MED17: variants seen among roughly 807,000 people sequenced by gnomAD.
The protein encoded by MED17 is mediator complex subunit 17.
A neutral mutation model predicts 80.8 loss-of-function variants in MED17; 49 were observed. The ratio of observed to expected loss-of-function variants is 0.61; its 90% CI spans 0.48 to 0.77. The LOEUF is 0.77. Among genes scored for constraint, MED17 ranks in the 30% least tolerant of loss-of-function variants. The pLI, the probability that MED17 is intolerant of heterozygous loss-of-function variation, is 0.00. For missense variants in MED17, 718 were observed against 787.0 expected (o/e 0.91, Z 1.05); for synonymous variants, 281 against 280.4 (o/e 1.00, Z -0.02).
intron 3 of MED17, among the ~76,000 whole-genome samples, chr11:93,792,730 C>T (rs578207767): frequency 6.6e-4 from 101 of 152,038 alleles, no homozygotes; most frequent in African/African-American, 2.2e-3. Flanking sequence ...TTGCTTGAGC[C>T]CAGGAGTTCA....
At chr11:93,805,975 C>CTTTGTCTCT (rs1407237546) in intron 9 of MED17, 6 of 65,542 alleles carry the variant, frequency 9.2e-5, no homozygotes, top group African/African-American at 3.2e-4. Context: ...GACCCTGTCT[C>CTTTGTCTCT]TTTTTTTTTT....
chr11:93,793,885 C>T (rs1447876672), intron 4 of MED17, 21 bp downstream of exon 4: 1 of 1,613,330 alleles, frequency 6.2e-7, no homozygotes, highest in African/African-American at 1.3e-5. Flanking sequence ...AAATATTTTT[C>T]AAGTAATTTC....
In MED17 at chr11:93,794,871, G is replaced by A. The variant is rs374004657; in HGVS notation, c.860-37G>A. On this transcript the variant is annotated intron_variant, in intron 5 of 11. Transcript: ENST00000251871. ...ATTTAAACTAGTTAATGCATAATAT[G>A]GTTAGATAATTGATACATATATTTC... The A allele has an allele frequency of 1.6e-5, 26 of 1,603,242 alleles. No homozygotes were observed. In the African/African-American group the frequency reaches 3.2e-4, roughly 20 times the overall value.
chr11:93,812,241 T>G lies in MED17; in HGVS notation c.*177T>G. 1.5e-6 allele frequency: 1 copy of G among 645,254 alleles called. No homozygotes were observed. Among genetic ancestry groups the G allele is most frequent in the Non-Finnish European group, 2.7e-6 (1 of 369,002 alleles). 40.0% of individuals were successfully genotyped at this position (645,254 alleles called of 1,614,324 possible). On this transcript the variant is annotated 3_prime_UTR_variant, in exon 12 of 12. Transcript: ENST00000251871. The stretch of plus-strand genomic sequence containing the variant: ...TTCACTTTATAAATGACAAGTGCTT[T>G]GAAATGCAGAAGTTTATGTACAGTT...
chr11:93,812,210 A>G lies in MED17; in HGVS notation c.*146A>G. ...TAGGAAATGTTTATTTAGCACTTTCAAACTTTTCACTTTATAAATGACAAG... is the reference window on the plus strand; with the variant it reads ...TAGGAAATGTTTATTTAGCACTTTCGAACTTTTCACTTTATAAATGACAAG... On this transcript the variant is annotated 3_prime_UTR_variant, in exon 12 of 12. Transcript: ENST00000251871. 1.4e-6 allele frequency: 1 copy of G among 738,550 alleles called. No individual in the cohort carries two copies. The highest frequency in any genetic ancestry group is 1.6e-5 in the South Asian group (1 of 60,858). 45.7% of individuals were successfully genotyped at this position (738,550 alleles called of 1,614,324 possible). A position where few individuals can be genotyped will look rare whatever the true frequency, so the allele number is the denominator to read the frequency against.
Position 93,797,624 on chromosome 11 carries a change from A to G in MED17, c.1233A>G (p.Gln411=), listed in dbSNP as rs1943918532. The G allele has an allele frequency of 9.9e-6, 16 of 1,614,066 alleles. No individual in the cohort carries two copies. The highest frequency in any genetic ancestry group is 1.3e-5 in the Non-Finnish European group (15 of 1,179,918). Residue 411 remains glutamine, a synonymous_variant, in exon 8 of 12, where the codon CAA becomes CAG. Transcript: ENST00000251871. ...AGAGAATGAGACTTTCGGGTCCTCAAGCTTTTGATAAAAATGAAATTAATT... is the reference window on the plus strand; with the variant it reads ...AGAGAATGAGACTTTCGGGTCCTCAGGCTTTTGATAAAAATGAAATTAATT... ...GHKRMRLSGP[Q]AFDKNEINSL...
In MED17 at chr11:93,784,537, G is replaced by C. The variant is rs773807541; in HGVS notation, c.24G>C (p.Arg8=). The C allele has an allele frequency of 3.1e-6, 5 of 1,611,642 alleles. No individual in the cohort carries two copies. Among genetic ancestry groups the C allele is most frequent in the Admixed American group, 3.3e-5 (2 of 59,984 alleles). The change falls in exon 1 of 12, where the codon CGG becomes CGC. Residue 8 remains arginine, a synonymous_variant. Transcript: ENST00000251871. Reference sequence around the variant, plus strand: ...GCATGTCCGGGGTGCGCGCAGTGCGGATCAGCATCGAATCGGCCTGCGAGA... The same window carrying C: ...GCATGTCCGGGGTGCGCGCAGTGCGCATCAGCATCGAATCGGCCTGCGAGA... MSGVRAV[R]ISIESACEKQ...
chr11:93,784,994 A>G, intron 1 of MED17: 1 of 622,260 alleles, frequency 1.6e-6, no homozygotes, highest in Non-Finnish European at 2.8e-6. Flanking sequence ...GTTTAGAGAC[A>G]CTGTCAAACC....
At chr11:93,787,748 T>C (rs1208569103) in intron 1 of MED17, among the ~76,000 whole-genome samples, 1 of 152,214 alleles carries the variant, frequency 6.6e-6, no homozygotes, top group African/African-American at 2.4e-5. Flanking sequence ...AAAAGAGATT[T>C]GAGTCTATAA....
rs1944098357 is a variant in MED17 at position 93,812,910 on chromosome 11, A to C, written c.*846A>C. 6.6e-6 allele frequency: 1 copy of C among 152,102 alleles called. No individual in the cohort carries two copies. The highest frequency in any genetic ancestry group is 2.4e-5 in the African/African-American group (1 of 41,390). The allele number at this position is 152,102 out of a possible 1,614,324, so 9.4% of individuals were successfully genotyped here. A position where few individuals can be genotyped will look rare whatever the true frequency, so the allele number is the denominator to read the frequency against. On this transcript the variant is annotated 3_prime_UTR_variant, in exon 12 of 12. Transcript: ENST00000251871. ...TTTGGTCTGTTCTCCCACTTGATTG[A>C]CCTCACCAGTTGAGACACCTAGTGT...
intron 2 of MED17, 170 bp from the exon 3 acceptor site, chr11:93,790,404 G>C (rs1222331573): frequency 1.5e-6 from 1 of 657,758 alleles, no homozygotes; most frequent in Non-Finnish European, 2.7e-6. Context: ...AGCTTTGAGT[G>C]AGTTGGACAA....
Position 93,785,986 on chromosome 11 carries a change from A to G in MED17, c.250+1223A>G, listed in dbSNP as rs150762976. Among the ~76,000 whole-genome samples the G allele has an allele frequency of 1.6e-4, 22 of 138,628 alleles. No homozygotes were observed. The East Asian group carries it at 4.7e-3, about 29-fold the overall frequency. The allele number at this position is 138,628 out of a possible 152,430, so 90.9% of individuals were successfully genotyped here. A position where few individuals can be genotyped will look rare whatever the true frequency, so the allele number is the denominator to read the frequency against. ...GCCACCGCACTCCAGCCTGGGTAACAGAACAAGACTCTAACATCCACACAC... is the reference window on the plus strand; with the variant it reads ...GCCACCGCACTCCAGCCTGGGTAACGGAACAAGACTCTAACATCCACACAC... On this transcript the variant is annotated intron_variant, in intron 1 of 11. Transcript: ENST00000251871.
intron 7 of MED17, chr11:93,796,822 G>A (rs142767677): frequency 2.5e-6 from 1 of 400,470 alleles, no homozygotes; most frequent in African/African-American, 2.1e-5. Flanking sequence ...TTCTGACCGG[G>A]GGAGTTAAGG....
intron 9 of MED17, among the ~76,000 whole-genome samples, chr11:93,805,613 T>G (rs960089864): frequency 2.0e-5 from 3 of 152,146 alleles, no homozygotes; most frequent in Non-Finnish European, 2.9e-5. Flanking sequence ...AATTTTTAAT[T>G]AGTACTACCA....
chr11:93,784,572 A>G lies in MED17; in HGVS notation c.59A>G (p.His20Arg), dbSNP rs1157960077. The G allele has an allele frequency of 1.2e-6, 2 of 1,612,330 alleles. No individual in the cohort carries two copies. The highest frequency in any genetic ancestry group is 2.2e-5 in the East Asian group (1 of 44,820). Residue 20 changes from histidine to arginine, a missense_variant, in exon 1 of 12, where the codon CAT becomes CGT. By Grantham distance (29) the His-to-Arg change is conservative. Transcript: ENST00000251871. ...SIESACEKQVHEVGLDGTETY... is the reference protein window; with the variant it reads ...SIESACEKQVREVGLDGTETY... Reference sequence around the variant, plus strand: ...GAATCGGCCTGCGAGAAGCAGGTCCATGAGGTGGGCCTGGATGGCACCGAG... The same window carrying G: ...GAATCGGCCTGCGAGAAGCAGGTCCGTGAGGTGGGCCTGGATGGCACCGAG...
At chr11:93,802,525 A>G (rs529997349) in intron 9 of MED17, among the ~76,000 whole-genome samples, 12 of 152,336 alleles carry the variant, frequency 7.9e-5, no homozygotes, top group African/African-American at 2.6e-4. Flanking sequence ...TAAATGTCAC[A>G]TATTTGAGCT....
At chr11:93,785,292 C>G (rs1226709309) in intron 1 of MED17, among the ~76,000 whole-genome samples, 1 of 152,086 alleles carries the variant, frequency 6.6e-6, no homozygotes, top group Non-Finnish European at 1.5e-5. Flanking sequence ...AAAGCTTTTG[C>G]AGGATAAGTA....
rs1479503615 is a variant in MED17, at chr11:93,812,122, G to A, written c.*58G>A. ...GAAACTTTGACTTGAAATGTTTGCA[G>A]ATCAACTATAAGCACAAAGAAGAGA... On this transcript the variant is annotated 3_prime_UTR_variant, in exon 12 of 12. Transcript: ENST00000251871. The A allele has an allele frequency of 3.6e-6, 5 of 1,404,606 alleles. No individual in the cohort carries two copies. Among genetic ancestry groups the A allele is most frequent in the Non-Finnish European group, 5.0e-6 (5 of 990,392 alleles). The allele number at this position is 1,404,606 out of a possible 1,614,324, so 87.0% of individuals were successfully genotyped here. A position where few individuals can be genotyped will look rare whatever the true frequency, so the allele number is the denominator to read the frequency against.
chr11:93,785,627 C>G (rs944472187), intron 1 of MED17, among the ~76,000 whole-genome samples: 1 of 152,014 alleles, frequency 6.6e-6, no homozygotes, highest in Non-Finnish European at 1.5e-5. Flanking sequence ...ATTGAAGTGC[C>G]AAATGAAGAA....
Sources: gnomAD v4.1 joint callset for allele counts (sites outside exome capture counted in the v4.1 genomes callset) on GRCh38, gnomAD v4.1.1 for gene constraint, MANE v1.5 for transcripts, NCBI Gene and HGNC (gene_info 2026-07-23, HGNC 2026-07-21) for gene names.